Variants in ATP8A1 observed in about 807,000 individuals in gnomAD.
ATP8A1 encodes the protein ATPase phospholipid transporting 8A1, also known as phospholipid-transporting ATPase IA.
A neutral mutation model predicts 177.7 loss-of-function variants in ATP8A1; 90 were observed. That is an observed-to-expected ratio of 0.51 (90% CI 0.43 to 0.60). The LOEUF (loss-of-function observed/expected upper bound fraction) is 0.60. Among genes scored for constraint, ATP8A1 ranks in the 20% least tolerant of loss-of-function variants. The probability of loss-of-function intolerance (pLI) is 0.00; values close to 1 mark genes in which losing one functional copy is unlikely to be tolerated. For missense variants in ATP8A1, 1,072 were observed against 1,392.8 expected (o/e 0.77, Z 3.67); for synonymous variants, 493 against 485.9 (o/e 1.01, Z -0.19).
chr4:42,521,659 C>T (rs906962576), intron 22 of ATP8A1, among the ~76,000 whole-genome samples: 5 of 152,180 alleles, frequency 3.3e-5, no homozygotes, highest in East Asian at 1.9e-4. Flanking sequence ...AGAACATTTA[C>T]AGCTGCGACA....
At chr4:42,584,538 C>T (rs552682597) in intron 9 of ATP8A1, among the ~76,000 whole-genome samples, 1 of 152,248 alleles carries the variant, frequency 6.6e-6, no homozygotes, top group East Asian at 1.9e-4. Flanking sequence ...CAGTTTTGGT[C>T]CCCCTGCTTT....
intron 33 of ATP8A1, among the ~76,000 whole-genome samples, chr4:42,435,955 C>G (rs1715944131): frequency 6.6e-6 from 1 of 152,064 alleles, no homozygotes; most frequent in Non-Finnish European, 1.5e-5. Flanking sequence ...GGTTTAGTAC[C>G]TGTTTCTCCT....
At chr4:42,531,754 A>T (rs1727281121) in intron 20 of ATP8A1, among the ~76,000 whole-genome samples, 2 of 152,172 alleles carry the variant, frequency 1.3e-5, no homozygotes, top group African/African-American at 4.8e-5. Context: ...AATCAGTAGC[A>T]CTTCTATATA....
intron 13 of ATP8A1, among the ~76,000 whole-genome samples, chr4:42,575,276 G>A (rs897370551): frequency 2.6e-5 from 4 of 152,146 alleles, no homozygotes; most frequent in Admixed American, 6.5e-5. Context: ...ACATAGCTTC[G>A]TTGATGAACT....
intron 9 of ATP8A1, among the ~76,000 whole-genome samples, chr4:42,582,984 T>C (rs1733248608): frequency 6.6e-6 from 1 of 152,002 alleles, no homozygotes; most frequent in South Asian, 2.1e-4. Context: ...AGGTCAAATA[T>C]AAAGAAAAAT....
intron 15 of ATP8A1, among the ~76,000 whole-genome samples, chr4:42,562,960 T>A (rs1165018530): frequency 6.6e-6 from 1 of 152,164 alleles, no homozygotes; most frequent in Non-Finnish European, 1.5e-5. Flanking sequence ...TTATCAGCAG[T>A]GTGAAAACAG....
chr4:42,456,558 A>G (rs547470602), intron 27 of ATP8A1, among the ~76,000 whole-genome samples: 48 of 152,324 alleles, frequency 3.2e-4, no homozygotes, highest in Non-Finnish European at 5.4e-4. Context: ...ATTTTTCTCT[A>G]GCATGTTTAA....
At chr4:42,428,145 G>A (rs1267133391) in intron 33 of ATP8A1, among the ~76,000 whole-genome samples, 1 of 152,176 alleles carries the variant, frequency 6.6e-6, no homozygotes, top group Non-Finnish European at 1.5e-5. Context: ...ATTCTCCCAG[G>A]AGCCTTCTGT....
intron 9 of ATP8A1, among the ~76,000 whole-genome samples, chr4:42,582,522 A>T (rs943172280): frequency 2.7e-5 from 1 of 37,118 alleles, no homozygotes; most frequent in East Asian, 9.5e-4. Flanking sequence ...CTCCCCCCCC[A>T]CCCAAATTAA....
At chr4:42,426,068 G>A (rs1460421472) in intron 33 of ATP8A1, among the ~76,000 whole-genome samples, 1 of 152,178 alleles carries the variant, frequency 6.6e-6, no homozygotes, top group Non-Finnish European at 1.5e-5. Flanking sequence ...TTGCAGAAGA[G>A]GAATTGTTCT....
At chr4:42,430,852 C>T (rs1374993041) in intron 33 of ATP8A1, among the ~76,000 whole-genome samples, 2 of 152,172 alleles carry the variant, frequency 1.3e-5, no homozygotes, top group African/African-American at 2.4e-5. Flanking sequence ...CTATTTCCAT[C>T]TGGAATTTTC....
chr4:42,495,491 T>A (rs754436619), intron 24 of ATP8A1, among the ~76,000 whole-genome samples: 1 of 152,232 alleles, frequency 6.6e-6, no homozygotes, highest in South Asian at 2.1e-4. Flanking sequence ...ACTACATTTA[T>A]GTACAACTGG....
chr4:42,523,329 C>G (rs1333646910), intron 21 of ATP8A1, among the ~76,000 whole-genome samples: 1 of 152,174 alleles, frequency 6.6e-6, no homozygotes, highest in Non-Finnish European at 1.5e-5. Context: ...GAAGACAACG[C>G]CCTCACTCCA....
intron 27 of ATP8A1, among the ~76,000 whole-genome samples, chr4:42,462,718 A>G (rs1719305522): frequency 6.6e-6 from 1 of 152,214 alleles, no homozygotes; most frequent in Non-Finnish European, 1.5e-5. Context: ...ACTGTCCTCC[A>G]GACCTCAGAA....
At chr4:42,523,614 G>A (rs942231758) in intron 21 of ATP8A1, among the ~76,000 whole-genome samples, 2 of 152,226 alleles carry the variant, frequency 1.3e-5, no homozygotes, top group East Asian at 1.9e-4. Context: ...CCAGCCCAGG[G>A]ACAGAAAGAA....
chr4:42,655,378 C>T (rs1402819856), intron 1 of ATP8A1, among the ~76,000 whole-genome samples: 3 of 152,166 alleles, frequency 2.0e-5, no homozygotes, highest in Non-Finnish European at 4.4e-5. Flanking sequence ...ACAGGTTTTG[C>T]AGTGCTCTCA....
intron 20 of ATP8A1, among the ~76,000 whole-genome samples, chr4:42,525,116 C>G (rs1428302257): frequency 6.6e-6 from 1 of 152,184 alleles, no homozygotes; most frequent in Admixed American, 6.5e-5. Flanking sequence ...CACTTACCTT[C>G]CACATGCTGC....
rs568986771 is a variant in ATP8A1 at position 42,488,010 on chromosome 4, A to G, written c.2152-2342T>C. Among the ~76,000 whole-genome samples the G allele has an allele frequency of 1.1e-4, 17 of 152,332 alleles. No individual in the cohort carries two copies. The South Asian group carries it at 3.5e-3, about 32-fold the overall frequency. ...GCCTCACCCTCCTGTTTCCTGCTGG[A>G]AATTTTTGGCCCAAGAGGACTTAAA... On this transcript the variant is annotated intron_variant, in intron 24 of 36. Coordinates refer to ENST00000381668, the MANE Select transcript of ATP8A1 (RefSeq NM_006095.2).
rs565490443 is a variant in ATP8A1, at chr4:42,595,566, G to A, written c.451-4682C>T. Among the ~76,000 whole-genome samples, 6 of 152,268 alleles carry A rather than the reference G, an allele frequency of 3.9e-5. No homozygotes were observed. In the South Asian group the frequency reaches 1.2e-3, roughly 32 times the overall value. ...AAAGAGGAAAAATTAAAAACTGCAA[G>A]TATAAATGTAAACTGGTCCTTAAAA... On this transcript the variant is annotated intron_variant, in intron 6 of 36. Coordinates refer to ENST00000381668, the MANE Select transcript of ATP8A1 (RefSeq NM_006095.2).
Sources: allele counts gnomAD v4.1 joint callset (sites outside exome capture counted in the v4.1 genomes callset), GRCh38; gene constraint gnomAD v4.1.1; transcripts MANE v1.5; gene names NCBI Gene and HGNC (gene_info 2026-07-23, HGNC 2026-07-21).